The following NNT variants were observed in gnomAD, a reference collection of about 807,000 sequenced individuals.
NNT encodes the protein nicotinamide nucleotide transhydrogenase.
NNT carries 50 observed loss-of-function variants against 104.8 expected under a neutral mutation model. The observed-to-expected ratio is 0.48, with a 90% CI of 0.38 to 0.60. NNT has a LOEUF of 0.60. NNT is among the 20% of genes least tolerant of loss of function. NNT has a pLI of 0.00. For missense variants in NNT, 1,131 were observed against 1,330.7 expected (o/e 0.85, Z 2.33); for synonymous variants, 461 against 490.4 (o/e 0.94, Z 0.79).
At chr5:43,693,526 A>T (rs1412141256) in intron 19 of NNT, among the ~76,000 whole-genome samples, 1 of 152,186 alleles carries the variant, frequency 6.6e-6, no homozygotes, top group Non-Finnish European at 1.5e-5. Flanking sequence ...CAGTTTGAAA[A>T]CAGCTGTAGT....
intron 7 of NNT, among the ~76,000 whole-genome samples, chr5:43,632,539 T>C (rs922543058): frequency 5.9e-5 from 9 of 152,230 alleles, no homozygotes; most frequent in Non-Finnish European, 1.2e-4. Flanking sequence ...CTAGTTGTTA[T>C]GCTGCCTGAT....
chr5:43,632,625 A>C, intron 7 of NNT, among the ~76,000 whole-genome samples: 1 of 152,142 alleles, frequency 6.6e-6, no homozygotes, highest in Non-Finnish European at 1.5e-5. Context: ...AATGCAGGTA[A>C]CTTGAGGATG....
chr5:43,645,032 G>A (rs1019696456), intron 9 of NNT, among the ~76,000 whole-genome samples: 1 of 152,034 alleles, frequency 6.6e-6, no homozygotes, highest in Non-Finnish European at 1.5e-5. Flanking sequence ...TTTGAAAAAC[G>A]GAGATGAACA....
chr5:43,628,195 C>G lies in NNT; in HGVS notation c.777-5C>G. On this transcript the variant is annotated splice_polypyrimidine_tract_variant and splice_region_variant and intron_variant, in intron 6 of 21. Coordinates refer to ENST00000344920, the MANE Select transcript of NNT (RefSeq NM_182977.3). The stretch of plus-strand genomic sequence containing the variant: ...CTACTCTTTCCACTTTAACAATCAC[C>G]CTAGAGCTGCAGCTTTGGAACAGTT... 6.2e-7 allele frequency: 1 copy of G among 1,603,234 alleles called. No homozygotes were observed. The highest frequency in any genetic ancestry group is 8.5e-7 in the Non-Finnish European group (1 of 1,175,534).
chr5:43,669,506 G>C (rs867050581), intron 17 of NNT, among the ~76,000 whole-genome samples: 12 of 152,140 alleles, frequency 7.9e-5, no homozygotes, highest in African/African-American at 2.9e-4. Flanking sequence ...GTTGAATTTT[G>C]TCAAAGGCCT....
At chr5:43,622,479 G>A (rs1356718176) in intron 5 of NNT, among the ~76,000 whole-genome samples, 1 of 151,944 alleles carries the variant, frequency 6.6e-6, no homozygotes, top group Non-Finnish European at 1.5e-5. Flanking sequence ...TGTTGCTTAG[G>A]CTGGTCTTGA....
At chr5:43,704,172 T>C in intron 21 of NNT, 83 bp from the exon 22 acceptor site, 1 of 1,238,640 alleles carries the variant, frequency 8.1e-7, no homozygotes, top group East Asian at 2.6e-5. Flanking sequence ...TGTTCAAAGG[T>C]AGTGAAGAGC....
intron 4 of NNT, among the ~76,000 whole-genome samples, chr5:43,618,066 T>A (rs940889366): frequency 3.3e-5 from 5 of 152,226 alleles, no homozygotes; most frequent in Non-Finnish European, 7.3e-5. Context: ...CTTTTACATA[T>A]AAATTGCTAT....
chr5:43,700,198 A>T lies in NNT; in HGVS notation c.2956A>T (p.Ile986Phe). Reference protein sequence around the residue: ...LLAEAGVPYDIVLEMDEINHD... With the variant: ...LLAEAGVPYDFVLEMDEINHD... ...GGCTGAGGCTGGTGTGCCATATGAC[A>T]TTGTGTTGGAAATGGATGAGATCAA... The change falls in exon 20 of 22, where the codon ATT (isoleucine) becomes TTT (phenylalanine). Residue 986 changes from isoleucine (I) to phenylalanine (F), a missense_variant. Coordinates refer to ENST00000344920, the MANE Select transcript of NNT (RefSeq NM_182977.3). The T allele has an allele frequency of 1.9e-6, 3 of 1,613,696 alleles. No individual in the cohort carries two copies. Among genetic ancestry groups the T allele is most frequent in the Non-Finnish European group, 2.5e-6 (3 of 1,179,778 alleles).
At chr5:43,694,261 T>A (rs1375694772) in intron 19 of NNT, among the ~76,000 whole-genome samples, 2 of 152,218 alleles carry the variant, frequency 1.3e-5, no homozygotes, top group African/African-American at 4.8e-5. Flanking sequence ...CCTATTTGGA[T>A]GCTCTTTATT....
chr5:43,644,732 A>C lies in NNT; in HGVS notation c.1220A>C (p.Tyr407Ser). The C allele has an allele frequency of 6.2e-7, 1 of 1,614,198 alleles. No homozygotes were observed. The highest frequency in any genetic ancestry group is 8.5e-7 in the Non-Finnish European group (1 of 1,180,024). ...ATCAGCCCGGACAAAGATAATTTTTATTTTGATGTGAAAGATGACTTTGAC... is the reference window on the plus strand; with the variant it reads ...ATCAGCCCGGACAAAGATAATTTTTCTTTTGATGTGAAAGATGACTTTGAC... Reference protein sequence around the residue: ...KAISPDKDNFYFDVKDDFDFG... With the variant: ...KAISPDKDNFSFDVKDDFDFG... The change falls in exon 9 of 22, where the codon TAT becomes TCT. Residue 407 changes from tyrosine (Y) to serine (S), a missense_variant. Physicochemically the swap from Tyr to Ser is moderately radical, Grantham distance 144 (BLOSUM62 -2). Transcript: ENST00000344920.
chr5:43,620,557 G>A (rs1256330394), intron 5 of NNT, among the ~76,000 whole-genome samples: 1 of 151,268 alleles, frequency 6.6e-6, no homozygotes, highest in Non-Finnish European at 1.5e-5. Flanking sequence ...ATAAAGCCCA[G>A]AGTTCTCACA....
chr5:43,637,803 A>G (rs1319387964), intron 7 of NNT, among the ~76,000 whole-genome samples: 1 of 152,058 alleles, frequency 6.6e-6, no homozygotes, highest in East Asian at 1.9e-4. Flanking sequence ...ATTTATGACC[A>G]TTTCTGAACC....
chr5:43,690,056 A>G (rs1483856928), intron 19 of NNT, among the ~76,000 whole-genome samples: 2 of 152,208 alleles, frequency 1.3e-5, no homozygotes, highest in Non-Finnish European at 2.9e-5. Flanking sequence ...GGTGTTCCTG[A>G]GGAAGAAGAG....
At chr5:43,639,088 G>GATATA (rs1476500857) in intron 7 of NNT, among the ~76,000 whole-genome samples, 1 of 152,022 alleles carries the variant, frequency 6.6e-6, no homozygotes, top group African/African-American at 2.4e-5. Context: ...AGAAGCCAAT[G>GATATA]ATATATTCTT....
intron 17 of NNT, among the ~76,000 whole-genome samples, chr5:43,667,617 A>G (rs989535320): frequency 6.6e-6 from 1 of 152,166 alleles, no homozygotes; most frequent in Non-Finnish European, 1.5e-5. Context: ...TTATGGCTGC[A>G]TAGTATTCCA....
At chr5:43,639,698 GAT>G (rs975896669) in intron 7 of NNT, among the ~76,000 whole-genome samples, 3 of 152,076 alleles carry the variant, frequency 2.0e-5, no homozygotes, top group African/African-American at 7.2e-5. Flanking sequence ...GTGAGAGCTT[GAT>G]GTCCTACAGT....
intron 10 of NNT, chr5:43,648,237 T>G (rs993968359): frequency 1.9e-6 from 2 of 1,044,734 alleles, no homozygotes; most frequent in African/African-American, 3.3e-5. Context: ...GTAAAATTAA[T>G]GTCAATCCCT....
Position 43,621,415 on chromosome 5 carries a change from CGAGG to C in NNT, c.687+2297_687+2300del. On this transcript the variant is annotated intron_variant, in intron 5 of 21. Coordinates refer to ENST00000344920, the MANE Select transcript of NNT (RefSeq NM_182977.3). ...CAATCAGTTGAAGGCTTATGATATG[CGAGG>C]CATTGTTCTAGGAGCTGGGGATATG... Among the ~76,000 whole-genome samples the C allele has an allele frequency of 2.0e-5, 3 of 152,218 alleles. No homozygotes were observed. In the South Asian group the frequency reaches 6.2e-4, roughly 32 times the overall value.
Sources: allele counts gnomAD v4.1 joint callset (sites outside exome capture counted in the v4.1 genomes callset), GRCh38; gene constraint gnomAD v4.1.1; transcripts MANE v1.5; gene names NCBI Gene and HGNC (gene_info 2026-07-23, HGNC 2026-07-21).